Variants in APAF1 observed in about 807,000 individuals in gnomAD.
APAF1 encodes apoptotic protease-activating factor 1.
In APAF1, 91 loss-of-function variants were observed where a neutral mutation model predicts 152.4. The ratio of observed to expected loss-of-function variants is 0.60; its 90% confidence interval spans 0.50 to 0.71. APAF1 has a LOEUF of 0.71. Among genes scored for constraint, APAF1 ranks in the 30% least tolerant of loss-of-function variants. The probability of loss-of-function intolerance (pLI) is 0.00; values close to 1 mark genes in which losing one functional copy is unlikely to be tolerated. For missense variants in APAF1, 1,283 were observed against 1,472.0 expected (o/e 0.87, Z 2.10); for synonymous variants, 484 against 494.1 (o/e 0.98, Z 0.27).
intron 26 of APAF1, among the ~76,000 whole-genome samples, chr12:98,729,298 A>G (rs1593127779): frequency 6.6e-6 from 1 of 152,160 alleles, no homozygotes; most frequent in East Asian, 1.9e-4. Context: ...TTTTCCACAG[A>G]TGGGGTGGTG....
chr12:98,692,790 G>T (rs551014146), intron 16 of APAF1, among the ~76,000 whole-genome samples: 1 of 152,116 alleles, frequency 6.6e-6, no homozygotes, highest in East Asian at 1.9e-4. Context: ...TTAACCTTCC[G>T]TTGATGGGCA....
rs1565886402 is a variant in APAF1 at position 98,706,591 on chromosome 12, C to T, written c.2702C>T (p.Ser901Phe). ...GATGGATCATCATTTTTGACATCTT[C>T]TGATGACCAGACAATCAGGGTGAGA... Reference protein sequence around the residue: ...SPDGSSFLTSSDDQTIRLWET... With the variant: ...SPDGSSFLTSFDDQTIRLWET... Residue 901 changes from serine (S) to phenylalanine (F), a missense_variant, in exon 19 of 27, where the codon TCT (serine) becomes TTT (phenylalanine). Coordinates refer to ENST00000551964, the MANE Select transcript of APAF1 (RefSeq NM_181861.2). 5 of 1,613,990 alleles carry T rather than the reference C, an allele frequency of 3.1e-6. No individual in the cohort carries two copies. Among genetic ancestry groups the T allele is most frequent in the Non-Finnish European group, 4.2e-6 (5 of 1,179,902 alleles).
At chr12:98,712,198 T>C in intron 20 of APAF1, 121 bp from the exon 21 acceptor site, 4 of 702,570 alleles carry the variant, frequency 5.7e-6, no homozygotes, top group Non-Finnish European at 2.6e-6. Flanking sequence ...GTTGTTCCCC[T>C]GAGAGCTCTT....
rs1355090223 is a variant in APAF1 at position 98,680,329 on chromosome 12, A to G, written c.1973A>G (p.Asp658Gly). The change falls in exon 14 of 27, where the codon GAT becomes GGT. Residue 658 changes from aspartate to glycine, a missense_variant. By Grantham distance (94) the Asp-to-Gly change is moderately conservative. Transcript: ENST00000551964. ...CTTCTAGAAATCAAGGCTCATGAGG[A>G]TGAAGTGCTTTGTTGTGCATTCTCT... ...EKLLEIKAHE[D>G]EVLCCAFSTD... 1 of 1,613,632 alleles carries G rather than the reference A, an allele frequency of 6.2e-7. No individual in the cohort carries two copies. Among genetic ancestry groups the G allele is most frequent in the Non-Finnish European group, 8.5e-7 (1 of 1,179,824 alleles).
chr12:98,693,773 T>G (rs2097706843), intron 16 of APAF1, among the ~76,000 whole-genome samples: 1 of 151,728 alleles, frequency 6.6e-6, no homozygotes, highest in Admixed American at 6.6e-5. Context: ...TTCTTTTAAA[T>G]TGGAACACTT....
At chr12:98,669,386 A>G (rs145015264) in intron 10 of APAF1, among the ~76,000 whole-genome samples, 2,008 of 152,302 alleles carry the variant, frequency 0.013, 31 homozygotes, top group African/African-American at 0.031. Flanking sequence ...TTGGAAAAAC[A>G]GAAAAAAACG....
intron 4 of APAF1, among the ~76,000 whole-genome samples, chr12:98,655,756 G>A (rs1024125236): frequency 6.6e-6 from 1 of 150,996 alleles, no homozygotes; most frequent in Non-Finnish European, 1.5e-5. Flanking sequence ...TGGGCCACAG[G>A]CGCACAGCAC....
chr12:98,665,847 T>C (rs1348001243), intron 8 of APAF1, 56 bp downstream of exon 8: 23 of 1,390,698 alleles, frequency 1.7e-5, no homozygotes, highest in South Asian at 1.4e-4. Flanking sequence ...AGCTTTGATA[T>C]AGTACTGAGC....
chr12:98,689,527 C>T (rs969602512), intron 16 of APAF1, among the ~76,000 whole-genome samples: 3 of 150,698 alleles, frequency 2.0e-5, no homozygotes, highest in African/African-American at 4.9e-5. Context: ...ACTTTGTCAC[C>T]CAGGCCGGAG....
intron 17 of APAF1, among the ~76,000 whole-genome samples, chr12:98,702,220 C>G (rs891851311): frequency 1.3e-5 from 2 of 152,056 alleles, no homozygotes; most frequent in African/African-American, 2.4e-5. Context: ...CACCTGCCAC[C>G]GCGCCCGGCT....
At chr12:98,685,556 C>T (rs1194856789) in intron 15 of APAF1, among the ~76,000 whole-genome samples, 2 of 152,082 alleles carry the variant, frequency 1.3e-5, no homozygotes, top group African/African-American at 2.4e-5. Context: ...AGGATGGTCT[C>T]AATCTCCTGA....
chr12:98,715,499 T>C lies in APAF1; in HGVS notation c.3031T>C (p.Phe1011Leu), dbSNP rs865856278. 4.3e-6 allele frequency: 7 copies of C among 1,613,556 alleles called. No homozygotes were observed. Reference sequence around the variant, plus strand: ...CAAGAAAACTGTATGGCACATCCAGTTCACAGCCGATGAGAAGACTCTTAT... The same window carrying C: ...CAAGAAAACTGTATGGCACATCCAGCTCACAGCCGATGAGAAGACTCTTAT... ...QHKKTVWHIQ[F>L]TADEKTLISS... The change falls in exon 22 of 27, where the codon TTC becomes CTC. Residue 1011 changes from phenylalanine (F) to leucine (L), a missense_variant. Physicochemically the swap from Phe to Leu is conservative, Grantham distance 22. Coordinates refer to ENST00000551964, the MANE Select transcript of APAF1 (RefSeq NM_181861.2).
intron 22 of APAF1, among the ~76,000 whole-genome samples, chr12:98,721,188 C>A (rs1421362890): frequency 6.6e-6 from 1 of 152,174 alleles, no homozygotes; most frequent in Non-Finnish European, 1.5e-5. Flanking sequence ...ACAACAACAA[C>A]AAATCACTCA....
At chr12:98,701,908 A>G (rs2097715789) in intron 17 of APAF1, among the ~76,000 whole-genome samples, 1 of 152,180 alleles carries the variant, frequency 6.6e-6, no homozygotes, top group African/African-American at 2.4e-5. Flanking sequence ...GGAATAGGCA[A>G]GTTTGCCAAG....
chr12:98,724,525 A>G (rs550415811), intron 24 of APAF1, among the ~76,000 whole-genome samples: 1 of 152,256 alleles, frequency 6.6e-6, no homozygotes, highest in Non-Finnish European at 1.5e-5. Context: ...CTTTTTGTGC[A>G]TGCTGCTAAC....
chr12:98,712,671 C>G (rs2097729287), intron 21 of APAF1: 2 of 460,178 alleles, frequency 4.3e-6, no homozygotes, highest in South Asian at 4.9e-5. Context: ...TGTACGTCAC[C>G]ATGCCCGACT....
At chr12:98,655,733 C>T (rs1277923592) in intron 4 of APAF1, among the ~76,000 whole-genome samples, 1 of 152,038 alleles carries the variant, frequency 6.6e-6, no homozygotes, top group African/African-American at 2.4e-5. Context: ...CCCACCTCAG[C>T]CTCCTGAGTA....
At chr12:98,700,083 A>G (rs2097713772) in intron 17 of APAF1, among the ~76,000 whole-genome samples, 1 of 152,250 alleles carries the variant, frequency 6.6e-6, no homozygotes, top group African/African-American at 2.4e-5. Flanking sequence ...GGAAAATATG[A>G]AAAAAGTAAA....
intron 16 of APAF1, among the ~76,000 whole-genome samples, chr12:98,692,606 C>G (rs2097705538): frequency 6.6e-6 from 1 of 151,984 alleles, no homozygotes; most frequent in South Asian, 2.1e-4. Context: ...CTTTGTGTAC[C>G]CAATGTTTAG....
Sources: allele counts gnomAD v4.1 joint callset (sites outside exome capture counted in the v4.1 genomes callset), GRCh38; gene constraint gnomAD v4.1.1; transcripts MANE v1.5; gene names NCBI Gene and HGNC (gene_info 2026-07-23, HGNC 2026-07-21).